The following HTT-AS variants were observed in gnomAD, a reference collection of about 807,000 sequenced individuals.
HTT-AS encodes the protein HTT antisense RNA.
At chr4:3,048,889 G>A (rs1711649550), downstream of HTT-AS, among the ~76,000 whole-genome samples, 2 of 152,170 alleles carry the variant, frequency 1.3e-5, no homozygotes, top group Admixed American at 6.5e-5. Context: ...CCATAGTGTG[G>A]GTTAAGAGGA....
chr4:3,057,187 C>G (rs1243982639), intron 2 of HTT-AS, among the ~76,000 whole-genome samples: 1 of 152,034 alleles, frequency 6.6e-6, no homozygotes, highest in African/African-American at 2.4e-5. Context: ...GCGCCTGCCA[C>G]CAAGCCCAGC....
intron 2 of HTT-AS, among the ~76,000 whole-genome samples, chr4:3,057,684 G>T (rs757973570): frequency 3.9e-5 from 6 of 152,018 alleles, no homozygotes; most frequent in African/African-American, 7.2e-5. Flanking sequence ...TGCCCAGGCT[G>T]GAGTGCAGTG....
chr4:3,060,403 C>T (rs1423032624), intron 2 of HTT-AS, among the ~76,000 whole-genome samples: 1 of 152,120 alleles, frequency 6.6e-6, no homozygotes, highest in Non-Finnish European at 1.5e-5. Flanking sequence ...CCTCATACTC[C>T]TGGGCTCAAG....
At chr4:3,058,912 G>A (rs1033015821) in intron 2 of HTT-AS, among the ~76,000 whole-genome samples, 136 of 152,100 alleles carry the variant, frequency 8.9e-4, no homozygotes, top group African/African-American at 3.1e-3. Context: ...TAGAGATGGG[G>A]TTTCCCCATG....
exon 3 of HTT-AS, among the ~76,000 whole-genome samples, chr4:3,049,491 G>A (rs1019471315): frequency 2.6e-5 from 4 of 152,126 alleles, no homozygotes; most frequent in Admixed American, 6.6e-5. Flanking sequence ...AGCAAAAGCC[G>A]TTCACATCAA....
intron 1 of HTT-AS, among the ~76,000 whole-genome samples, chr4:3,073,965 AT>A (rs905493951): frequency 2.5e-4 from 38 of 151,140 alleles, no homozygotes; most frequent in Non-Finnish European, 4.4e-4. Flanking sequence ...TCGGCGGGGG[AT>A]CCTTTCCGCA....
At chr4:3,053,048 T>C (rs938141631) in intron 2 of HTT-AS, among the ~76,000 whole-genome samples, 23 of 152,184 alleles carry the variant, frequency 1.5e-4, no homozygotes, top group Non-Finnish European at 1.6e-4. Context: ...CTTCCAGCTG[T>C]GCCTGCTTAT....
intron 1 of HTT-AS, among the ~76,000 whole-genome samples, chr4:3,073,766 C>G (rs1712265481): frequency 6.6e-6 from 1 of 152,194 alleles, no homozygotes; most frequent in Non-Finnish European, 1.5e-5. Context: ...TCGTGCCGAC[C>G]ACGCGCATTC....
chr4:3,073,187 C>G (rs1198061386), intron 1 of HTT-AS, among the ~76,000 whole-genome samples: 1 of 152,250 alleles, frequency 6.6e-6, no homozygotes, highest in Non-Finnish European at 1.5e-5. Context: ...TTTGTGGCCA[C>G]AGAGCAGGGG....
chr4:3,072,908 G>T lies in HTT-AS; in HGVS notation n.113+1518C>A, dbSNP rs1419181267. 2.0e-5 allele frequency among the ~76,000 whole-genome samples: 3 copies of T among 152,166 alleles called. No individual in the cohort carries two copies. The East Asian group carries it at 5.8e-4, about 29-fold the overall frequency. ...CTCCCAAAGTGCTGGGATTACAGGC[G>T]TGAGCCACCGCACCTCGCTGGAACT... is the stretch of plus-strand genomic sequence containing the variant. On this transcript the variant is annotated intron_variant and non_coding_transcript_variant, in intron 1 of 2. Coordinates refer to ENST00000664062, the Ensembl canonical transcript of HTT-AS.
At chr4:3,071,911 G>A (rs1203849470) in intron 1 of HTT-AS, among the ~76,000 whole-genome samples, 1 of 152,192 alleles carries the variant, frequency 6.6e-6, no homozygotes, top group African/African-American at 2.4e-5. Context: ...CTAGGACCAT[G>A]AGAAGATACA....
chr4:3,073,497 C>T (rs901876660), intron 1 of HTT-AS, among the ~76,000 whole-genome samples: 1 of 152,246 alleles, frequency 6.6e-6, no homozygotes, highest in Admixed American at 6.5e-5. Flanking sequence ...CAGGGGTGCA[C>T]TCCCATAAAG....
At chr4:3,051,836 G>A (rs1308577385) in intron 2 of HTT-AS, among the ~76,000 whole-genome samples, 1 of 151,926 alleles carries the variant, frequency 6.6e-6, no homozygotes, top group Non-Finnish European at 1.5e-5. Flanking sequence ...AAGCTTGCTC[G>A]CCGCTCAAGA....
chr4:3,061,543 G>A (rs2960301), intron 2 of HTT-AS, among the ~76,000 whole-genome samples: 2 of 151,960 alleles, frequency 1.3e-5, no homozygotes, highest in African/African-American at 4.8e-5. Flanking sequence ...TTAGCTGGGC[G>A]TGGTGGCGGG....
At position 3,057,105 on chromosome 4, in the gene HTT-AS, C is replaced by T. The variant is rs564563851; in HGVS notation, n.1380+5329G>A. Among the ~76,000 whole-genome samples, 3 of 152,068 alleles carry T rather than the reference C, an allele frequency of 2.0e-5. No individual in the cohort carries two copies. The South Asian group carries it at 6.2e-4, about 32-fold the overall frequency. ...CTGGAGTGCAGTGGCACAATCTCGG[C>T]TCACTGCAACCTCTGCCTCCCGGGT... On this transcript the variant is annotated intron_variant and non_coding_transcript_variant, in intron 2 of 2. Coordinates refer to ENST00000664062, the Ensembl canonical transcript of HTT-AS.
intron 2 of HTT-AS, among the ~76,000 whole-genome samples, chr4:3,058,974 C>A (rs1174684258): frequency 6.6e-6 from 1 of 152,162 alleles, no homozygotes; most frequent in East Asian, 1.9e-4. Context: ...GCCGCGTTGG[C>A]CTCCCAAAGT....
At chr4:3,048,227 G>GA (rs1366902939), downstream of HTT-AS, among the ~76,000 whole-genome samples, 1 of 152,190 alleles carries the variant, frequency 6.6e-6, no homozygotes, top group East Asian at 1.9e-4. Flanking sequence ...CCCTACAGGC[G>GA]AGAGTGTGAC....
chr4:3,065,300 G>A (rs1712021995), intron 1 of HTT-AS, among the ~76,000 whole-genome samples: 1 of 151,590 alleles, frequency 6.6e-6, no homozygotes, highest in Admixed American at 6.6e-5. Flanking sequence ...GTGCAGTGGT[G>A]CAATGTTGGC....
intron 2 of HTT-AS, among the ~76,000 whole-genome samples, chr4:3,051,329 T>A (rs915106826): frequency 6.6e-6 from 1 of 152,054 alleles, no homozygotes; most frequent in Non-Finnish European, 1.5e-5. Flanking sequence ...CCCCCCAAAG[T>A]GCTGGGATTA....
Sources: gnomAD v4.1 joint callset for allele counts (sites outside exome capture counted in the v4.1 genomes callset) on GRCh38, gnomAD v4.1.1 for gene constraint, MANE v1.5 for transcripts, NCBI Gene and HGNC (gene_info 2026-07-23, HGNC 2026-07-21) for gene names.